ABCE1: variants seen among roughly 807,000 people sequenced by gnomAD.
ABCE1 encodes ATP-binding cassette sub-family E member 1.
In ABCE1, 22 loss-of-function variants were observed where a neutral mutation model predicts 83.4. The ratio of observed to expected loss-of-function variants is 0.26; its 90% CI spans 0.19 to 0.38. The LOEUF is 0.38. ABCE1 is among the 10% of genes least tolerant of loss of function. The probability of loss-of-function intolerance (pLI) is 1.00; values close to 1 mark genes in which losing one functional copy is unlikely to be tolerated. For synonymous variants in ABCE1, 204 were observed against 233.7 expected (o/e 0.87, Z 1.16); for missense variants, 330 against 721.9 (o/e 0.46, Z 6.22).
chr4:145,110,518 C>A, intron 7 of ABCE1, 74 bp downstream of exon 7: 1 of 1,452,864 alleles, frequency 6.9e-7, no homozygotes, highest in South Asian at 1.2e-5. Flanking sequence ...TCTTGTTGCC[C>A]AGGCTGGGGT....
At chr4:145,121,018 A>G in intron 11 of ABCE1, 156 bp from the exon 12 acceptor site, 1 of 664,672 alleles carries the variant, frequency 1.5e-6, no homozygotes, top group East Asian at 2.8e-5. Context: ...GTGAGCCATG[A>G]AAGACTTAAG....
chr4:145,099,145 T>C (rs1579204051), intron 1 of ABCE1, among the ~76,000 whole-genome samples: 1 of 152,220 alleles, frequency 6.6e-6, no homozygotes, highest in African/African-American at 2.4e-5. Flanking sequence ...TTACTCAGAA[T>C]ACCTTTATTA....
chr4:145,111,384 C>T (rs560993142), intron 8 of ABCE1, among the ~76,000 whole-genome samples: 11 of 152,278 alleles, frequency 7.2e-5, no homozygotes, highest in South Asian at 2.1e-4. Context: ...AGTGCAGTGG[C>T]GCAATCTTGG....
chr4:145,098,360 T>TGAA lies in ABCE1; in HGVS notation c.-85_-83dup, dbSNP rs1748933715. 1 of 152,458 alleles carries TGAA rather than the reference T, an allele frequency of 6.6e-6. No homozygotes were observed. The highest frequency in any genetic ancestry group is 2.4e-5 in the African/African-American group (1 of 41,480). 9.4% of individuals were successfully genotyped at this position (152,458 alleles called of 1,614,324 possible). ...GAGAACACGCTGTGTGGCTGAAAAGTGAAGGCAAGAGCTGATTTGGCCTCT... is the reference window on the plus strand; with the variant it reads ...GAGAACACGCTGTGTGGCTGAAAAGTGAAGAAGGCAAGAGCTGATTTGGCCTCT... On this transcript the variant is annotated 5_prime_UTR_variant, in exon 1 of 18. Coordinates refer to ENST00000296577, the MANE Select transcript of ABCE1 (RefSeq NM_002940.3).
At chr4:145,120,894 A>T in intron 11 of ABCE1, 2 of 336,718 alleles carry the variant, frequency 5.9e-6, no homozygotes, top group Non-Finnish European at 1.1e-5. Context: ...AGCTAAGTAG[A>T]TCTTTTCAAA....
At chr4:145,124,306 T>G (rs1491003243) in intron 16 of ABCE1, among the ~76,000 whole-genome samples, 1 of 152,276 alleles carries the variant, frequency 6.6e-6, no homozygotes, top group East Asian at 1.9e-4. Flanking sequence ...ATTTTAATAA[T>G]TCATCTAAGA....
chr4:145,101,844 C>A (rs1189824242), intron 1 of ABCE1, among the ~76,000 whole-genome samples: 1 of 152,068 alleles, frequency 6.6e-6, no homozygotes, highest in Non-Finnish European at 1.5e-5. Flanking sequence ...TTAAGCCTTC[C>A]AGAGATGTTA....
chr4:145,117,249 A>G (rs547620044), intron 9 of ABCE1, 44 bp from the exon 10 acceptor site: 8 of 1,526,920 alleles, frequency 5.2e-6, no homozygotes, highest in African/African-American at 4.2e-5. Flanking sequence ...ACTATTAAAA[A>G]TAGTTATGTA....
intron 1 of ABCE1, among the ~76,000 whole-genome samples, chr4:145,102,727 A>T (rs1749187114): frequency 6.6e-6 from 1 of 152,154 alleles, no homozygotes. Context: ...GAATCAAGAG[A>T]TAATGAAAGG....
chr4:145,110,565 TC>T, intron 7 of ABCE1, 121 bp downstream of exon 7: 1 of 953,712 alleles, frequency 1.0e-6, no homozygotes. Context: ...AACCTCTGCC[TC>T]CCGGGTTCAA....
At chr4:145,123,661 A>ACT in intron 16 of ABCE1, 61 bp downstream of exon 16, 1 of 1,465,914 alleles carries the variant, frequency 6.8e-7, no homozygotes. Flanking sequence ...TAAATAGTAA[A>ACT]GTCACTCACT....
At chr4:145,125,412 G>A (rs1228187081) in intron 17 of ABCE1, among the ~76,000 whole-genome samples, 2 of 152,124 alleles carry the variant, frequency 1.3e-5, no homozygotes, top group Non-Finnish European at 2.9e-5. Context: ...AGGTTGTAGT[G>A]AGCTGAGATC....
chr4:145,101,033 A>G (rs747654527), intron 1 of ABCE1, among the ~76,000 whole-genome samples: 46 of 152,036 alleles, frequency 3.0e-4, no homozygotes, highest in Admixed American at 2.6e-3. Context: ...ACACACACCC[A>G]CGATAGATGT....
chr4:145,123,684 A>T, intron 16 of ABCE1, 84 bp downstream of exon 16: 1 of 1,357,154 alleles, frequency 7.4e-7, no homozygotes, highest in Non-Finnish European at 1.0e-6. Context: ...AATTTTTAAA[A>T]AATGAAAGCT....
rs1449476916 is a variant in ABCE1 at position 145,127,678 on chromosome 4, A to T, written c.*105A>T. On this transcript the variant is annotated 3_prime_UTR_variant, in exon 18 of 18. Coordinates refer to ENST00000296577, the MANE Select transcript of ABCE1 (RefSeq NM_002940.3). The stretch of plus-strand genomic sequence containing the variant: ...GGATTTTATGCCCCACATACTCTGG[A>T]ACTTGAAGTATAATATACTTAATAT... 1 of 823,796 alleles carries T rather than the reference A, an allele frequency of 1.2e-6. No homozygotes were observed. The highest frequency in any genetic ancestry group is 2.9e-5 in the East Asian group (1 of 34,030). The allele number at this position is 823,796 out of a possible 1,614,324, so 51.0% of individuals were successfully genotyped here.
Position 145,128,011 on chromosome 4 carries a change from CTGAT to C in ABCE1, c.*442_*445del. 6.5e-6 allele frequency: 1 copy of C among 153,944 alleles called. No individual in the cohort carries two copies. The highest frequency in any genetic ancestry group is 1.9e-4 in the East Asian group (1 of 5,218). 9.5% of individuals were successfully genotyped at this position (153,944 alleles called of 1,614,324 possible). A position where few individuals can be genotyped will look rare whatever the true frequency, so the allele number is the denominator to read the frequency against. ...TTTTAAAAGCCAGTCAAAGATTCCA[CTGAT>C]TGACATTTGATAAATAAACATCAGG... is the stretch of plus-strand genomic sequence containing the variant. On this transcript the variant is annotated 3_prime_UTR_variant, in exon 18 of 18. Coordinates refer to ENST00000296577, the MANE Select transcript of ABCE1 (RefSeq NM_002940.3).
intron 13 of ABCE1, chr4:145,121,892 A>C (rs1388744681): frequency 6.6e-6 from 1 of 152,404 alleles, no homozygotes; most frequent in Non-Finnish European, 1.5e-5. Context: ...AAAAAAATAA[A>C]GATGTTTGTC....
chr4:145,124,926 C>G, intron 16 of ABCE1, 64 bp from the exon 17 acceptor site: 1 of 1,174,940 alleles, frequency 8.5e-7, no homozygotes. Flanking sequence ...TACCCTTCCT[C>G]TCAAAAGGTA....
intron 8 of ABCE1, 22 bp from the exon 9 acceptor site, chr4:145,112,217 T>C (rs889112081): frequency 7.4e-4 from 151 of 205,148 alleles, no homozygotes; most frequent in Non-Finnish European, 9.3e-4. Context: ...TTATATTTGC[T>C]TTTTTTTTTT....
Sources: allele counts gnomAD v4.1 joint callset (sites outside exome capture counted in the v4.1 genomes callset), GRCh38; gene constraint gnomAD v4.1.1; transcripts MANE v1.5; gene names NCBI Gene and HGNC (gene_info 2026-07-23, HGNC 2026-07-21).